NRXN3: variants seen among roughly 807,000 people sequenced by gnomAD.
The protein encoded by NRXN3 is neurexin III.
NRXN3 carries 32 observed loss-of-function variants against 137.6 expected under a neutral mutation model. That is an observed-to-expected ratio of 0.23 (90% CI 0.18 to 0.31). The LOEUF (loss-of-function observed/expected upper bound fraction) is 0.31, where lower values mean the gene tolerates loss of function less well. Ranked by LOEUF, NRXN3 falls within the 10% of genes least tolerant of loss-of-function variation. The probability of loss-of-function intolerance (pLI) is 1.00; values close to 1 mark genes in which losing one functional copy is unlikely to be tolerated. For synonymous variants in NRXN3, 798 were observed against 784.5 expected, an observed-to-expected ratio of 1.02 and a Z score of -0.29; for missense variants, 1,574 against 2,062.5, an observed-to-expected ratio of 0.76 and a Z score of 4.59.
chr14:78,809,964 A>G (rs2098900834), intron 9 of NRXN3, among the ~76,000 whole-genome samples: 1 of 152,090 alleles, frequency 6.6e-6, no homozygotes, highest in Admixed American at 6.6e-5. Flanking sequence ...CAAGTTTGAC[A>G]AAATTAATAT....
chr14:79,039,368 TATAAC>T (rs1241700264), intron 15 of NRXN3, among the ~76,000 whole-genome samples: 2 of 152,186 alleles, frequency 1.3e-5, no homozygotes, highest in Non-Finnish European at 2.9e-5. Context: ...TGAGGATTAA[TATAAC>T]AGTTTCCACT....
chr14:79,473,470 G>A (rs187333294), intron 16 of NRXN3, among the ~76,000 whole-genome samples: 157 of 152,220 alleles, frequency 1.0e-3, no homozygotes, highest in African/African-American at 3.6e-3. Flanking sequence ...TACAGTAAAC[G>A]ATCAGCATCT....
At chr14:79,136,499 A>C (rs2152983178) in intron 15 of NRXN3, among the ~76,000 whole-genome samples, 1 of 152,380 alleles carries the variant, frequency 6.6e-6, no homozygotes, top group East Asian at 1.9e-4. Context: ...TTCCCAAAGT[A>C]ATTTGCAAGT....
At chr14:79,252,099 A>C (rs964524586) in intron 15 of NRXN3, among the ~76,000 whole-genome samples, 8 of 152,216 alleles carry the variant, frequency 5.3e-5, no homozygotes, top group African/African-American at 1.9e-4. Context: ...AATTAAAGAT[A>C]GTTACTTTAG....
intron 1 of NRXN3, among the ~76,000 whole-genome samples, chr14:78,239,886 T>C (rs892785100): frequency 6.6e-6 from 1 of 152,196 alleles, no homozygotes; most frequent in African/African-American, 2.4e-5. Flanking sequence ...GTATTTTTAG[T>C]AGAGATGGGG....
intron 15 of NRXN3, among the ~76,000 whole-genome samples, chr14:78,994,344 C>T (rs554660776): frequency 2.0e-5 from 3 of 152,116 alleles, no homozygotes; most frequent in Admixed American, 6.5e-5. Context: ...ACATTTTTGC[C>T]CTGCTTTGTT....
intron 4 of NRXN3, among the ~76,000 whole-genome samples, chr14:78,356,543 G>A (rs890101441): frequency 6.6e-6 from 1 of 152,152 alleles, no homozygotes; most frequent in African/African-American, 2.4e-5. Context: ...CCTCCAAGTG[G>A]AAACTCATTC....
At position 79,861,124 on chromosome 14, in the gene NRXN3, C is replaced by A; in HGVS notation, c.4094-218C>A. 6.7e-7 allele frequency: 1 copy of A among 1,493,336 alleles called. No individual in the cohort carries two copies. The highest frequency in any genetic ancestry group is 8.9e-7 in the Non-Finnish European group (1 of 1,125,360). 92.5% of individuals were successfully genotyped at this position (1,493,336 alleles called of 1,614,324 possible). On this transcript the variant is annotated intron_variant, in intron 20 of 20. Coordinates refer to ENST00000335750, the MANE Select transcript of NRXN3 (RefSeq NM_001330195.2). The surrounding 1 kb of genome is among the most constrained non-coding windows in gnomAD (Gnocchi z 5.4). ...CTCGTGCACCTTCCATTACACTCCC[C>A]CCTACCTTTCGCCCCCTCCTCACCA...
At chr14:79,600,881 AAAGG>A (rs751785621) in intron 16 of NRXN3, among the ~76,000 whole-genome samples, 1 of 152,044 alleles carries the variant, frequency 6.6e-6, no homozygotes, top group Non-Finnish European at 1.5e-5. Flanking sequence ...GCAGAAAGAA[AAAGG>A]AAGGAAGACA....
chr14:79,437,140 A>G (rs1333910205), intron 15 of NRXN3, among the ~76,000 whole-genome samples: 2 of 151,542 alleles, frequency 1.3e-5, no homozygotes, highest in Non-Finnish European at 2.9e-5. Flanking sequence ...GCCCCCACCC[A>G]CACCTCTACC....
At chr14:79,848,032 A>C (rs2099383957) in intron 20 of NRXN3, among the ~76,000 whole-genome samples, 1 of 152,202 alleles carries the variant, frequency 6.6e-6, no homozygotes, top group African/African-American at 2.4e-5. Flanking sequence ...CTAGCACAGA[A>C]TAGGGCACAA....
intron 15 of NRXN3, among the ~76,000 whole-genome samples, chr14:79,109,198 A>G (rs1356942759): frequency 6.6e-6 from 1 of 152,126 alleles, no homozygotes; most frequent in Non-Finnish European, 1.5e-5. Flanking sequence ...GCTTCAGCTA[A>G]TCCTCATAAA....
At chr14:78,818,913 A>T (rs1335758762) in intron 10 of NRXN3, among the ~76,000 whole-genome samples, 1 of 152,226 alleles carries the variant, frequency 6.6e-6, no homozygotes, top group African/African-American at 2.4e-5. Flanking sequence ...TAAAATCCAG[A>T]TGAGTCTCTT....
intron 10 of NRXN3, among the ~76,000 whole-genome samples, chr14:78,835,203 G>A (rs139093023): frequency 4.9e-4 from 74 of 152,246 alleles, no homozygotes; most frequent in Non-Finnish European, 7.8e-4. Context: ...TAGCGGTGGC[G>A]GACAATCAGT....
intron 15 of NRXN3, among the ~76,000 whole-genome samples, chr14:79,072,988 G>T (rs1424780089): frequency 6.6e-6 from 1 of 151,308 alleles, no homozygotes; most frequent in Admixed American, 6.6e-5. Context: ...CAGGGTTCAA[G>T]TGATTTTCCT....
intron 2 of NRXN3, among the ~76,000 whole-genome samples, chr14:78,250,559 G>C (rs539808021): frequency 1.3e-5 from 2 of 152,200 alleles, no homozygotes; most frequent in Non-Finnish European, 2.9e-5. Flanking sequence ...TGCTGACAAT[G>C]GTTATGACTG....
At chr14:79,260,001 T>C (rs1283511051) in intron 15 of NRXN3, among the ~76,000 whole-genome samples, 2 of 152,260 alleles carry the variant, frequency 1.3e-5, no homozygotes, top group East Asian at 1.9e-4. Flanking sequence ...TGCCAGAGCA[T>C]AATTGCTGAT....
At chr14:79,651,957 A>G (rs1440649221) in intron 16 of NRXN3, among the ~76,000 whole-genome samples, 1 of 152,184 alleles carries the variant, frequency 6.6e-6, no homozygotes, top group African/African-American at 2.4e-5. Flanking sequence ...TAATAGATTC[A>G]TATTCCTGAG....
intron 4 of NRXN3, among the ~76,000 whole-genome samples, chr14:78,603,929 T>G (rs2152445036): frequency 6.6e-6 from 1 of 152,318 alleles, no homozygotes; most frequent in South Asian, 2.1e-4. Flanking sequence ...TAGTCCGTTC[T>G]TATGCTGCTA....
Sources: allele counts gnomAD v4.1 joint callset (sites outside exome capture counted in the v4.1 genomes callset), GRCh38; gene constraint gnomAD v4.1.1; non-coding constraint Gnocchi (gnomAD v3.1); transcripts MANE v1.5; gene names NCBI Gene and HGNC (gene_info 2026-07-23, HGNC 2026-07-21).